The following RECQL5 variants were observed in gnomAD, a reference collection of about 807,000 sequenced individuals.
RECQL5 encodes the protein RecQ like helicase 5.
In RECQL5, 88 loss-of-function variants were observed where a neutral mutation model predicts 103.4. The ratio of observed to expected loss-of-function variants is 0.85; its 90% CI spans 0.72 to 1.02. The LOEUF (loss-of-function observed/expected upper bound fraction) is 1.02, where lower values mean the gene tolerates loss of function less well. Among genes scored for constraint, RECQL5 ranks in the 50% least tolerant of loss-of-function variants. RECQL5 has a pLI of 0.00. For missense variants in RECQL5, 1,232 were observed against 1,284.3 expected, an observed-to-expected ratio of 0.96 and a Z score of 0.62; for synonymous variants, 552 against 507.9, an observed-to-expected ratio of 1.09 and a Z score of -1.17.
At chr17:75,634,084 G>A (rs1246514463) in intron 8 of RECQL5, 2 of 985,546 alleles carry the variant, frequency 2.0e-6, no homozygotes, top group African/African-American at 1.7e-5. Flanking sequence ...GCTGTCAGCA[G>A]AGGAGCTGGG....
At position 75,631,578 on chromosome 17, in the gene RECQL5, C is replaced by T; in HGVS notation, c.1320G>A (p.Val440=). 1 of 1,613,060 alleles carries T rather than the reference C, an allele frequency of 6.2e-7. No homozygotes were observed. Among genetic ancestry groups the T allele is most frequent in the Non-Finnish European group, 8.5e-7 (1 of 1,179,926 alleles). The change falls in exon 9 of 20, where the codon GTG becomes GTA. Residue 440 remains valine (V), a synonymous_variant. Transcript: ENST00000317905. ...GCDHCQNPTA[V]RRRLEALERS... is the part of the protein sequence containing the mutation. ...GCTCCAAGGCCTCCAGCCGCCTCCGCACGGCCGTGGGGTTCTGGCAGTGGT... is the reference window on the plus strand; with the variant it reads ...GCTCCAAGGCCTCCAGCCGCCTCCGTACGGCCGTGGGGTTCTGGCAGTGGT...
In RECQL5 at chr17:75,649,963, C is replaced by T. The variant is rs527591665; in HGVS notation, c.1229+1223G>A. 176 of 985,566 alleles carry T rather than the reference C, an allele frequency of 1.8e-4. No homozygotes were observed. In the African/African-American group the frequency reaches 2.1e-3, roughly 12 times the overall value. 61.1% of individuals were successfully genotyped at this position (985,566 alleles called of 1,614,324 possible). On this transcript the variant is annotated intron_variant, in intron 8 of 19. Transcript: ENST00000317905. ...TGGGAGGACCTGTTCCCTTGCCTGG[C>T]AGGCGGAGCAGACCCTGGGGACAGG... is the stretch of plus-strand genomic sequence containing the variant.
At chr17:75,647,372 T>C in intron 8 of RECQL5, 1 of 1,545,880 alleles carries the variant, frequency 6.5e-7, no homozygotes, top group Non-Finnish European at 8.7e-7. Context: ...CTTTTCCAGA[T>C]TCTCATGGAC....
chr17:75,640,885 G>T lies in RECQL5; in HGVS notation c.1230-9217C>A, dbSNP rs919041248. On this transcript the variant is annotated intron_variant, in intron 8 of 19. Coordinates refer to ENST00000317905, the MANE Select transcript of RECQL5 (RefSeq NM_004259.7). This position sits in a 1 kb window ranked among gnomAD's most constrained non-coding sequence, Gnocchi z 4.6. ...GAGGCAGGAAGGTCCAGGTGCAGCCGACACCACCATGACGGACGGGCGATG... is the reference window on the plus strand; with the variant it reads ...GAGGCAGGAAGGTCCAGGTGCAGCCTACACCACCATGACGGACGGGCGATG... 6.5e-7 allele frequency: 1 copy of T among 1,545,582 alleles called. No homozygotes were observed. The highest frequency in any genetic ancestry group is 1.4e-5 in the African/African-American group (1 of 73,188).
chr17:75,657,500 G>C (rs967138221), intron 7 of RECQL5, among the ~76,000 whole-genome samples: 1 of 152,112 alleles, frequency 6.6e-6, no homozygotes, highest in Non-Finnish European at 1.5e-5. Context: ...TGTAATCTCA[G>C]TAGTTTGGGA....
At chr17:75,664,976 G>A in intron 3 of RECQL5, 75 bp downstream of exon 3, 1 of 1,451,228 alleles carries the variant, frequency 6.9e-7, no homozygotes, top group Non-Finnish European at 9.1e-7. Flanking sequence ...GACCAATAGA[G>A]AAGTGAAATT....
rs73995938 is a variant in RECQL5 at position 75,628,184 on chromosome 17, A to T, written c.2805+34T>A. On this transcript the variant is annotated intron_variant, in intron 18 of 19. Coordinates refer to ENST00000317905, the MANE Select transcript of RECQL5 (RefSeq NM_004259.7). ...CCCACTACACCCACATACCCCAGGC[A>T]TGGGAGAAGGCAGAGCCCACTCACT... The T allele has an allele frequency of 2.3e-5, 34 of 1,511,060 alleles. 1 individual carries two copies. Among genetic ancestry groups the T allele is most frequent in the Non-Finnish European group, 3.0e-5 (33 of 1,092,226 alleles). The allele number at this position is 1,511,060 out of a possible 1,614,324, so 93.6% of individuals were successfully genotyped here.
intron 8 of RECQL5, chr17:75,646,404 C>T (rs2059489587): frequency 6.6e-6 from 1 of 152,462 alleles, no homozygotes; most frequent in African/African-American, 2.4e-5. Context: ...GGCAAAGGCC[C>T]TCGGTCCAGT....
At chr17:75,632,760 T>C (rs2059242412) in intron 8 of RECQL5, among the ~76,000 whole-genome samples, 1 of 152,182 alleles carries the variant, frequency 6.6e-6, no homozygotes, top group Non-Finnish European at 1.5e-5. Context: ...TCTCTCAGGC[T>C]CCTTATAAAC....
chr17:75,647,586 G>C, intron 8 of RECQL5: 1 of 1,549,058 alleles, frequency 6.5e-7, no homozygotes, highest in African/African-American at 1.4e-5. Flanking sequence ...TGGGGACTGA[G>C]ATGGCAGCAG....
Position 75,627,678 on chromosome 17 carries a change from G to T in RECQL5, c.2820C>A (p.Gly940=), listed in dbSNP as rs2059122193. The change falls in exon 19 of 20, where the codon GGC becomes GGA. Residue 940 remains glycine, a synonymous_variant. Transcript: ENST00000317905. ...GKFASKELFK[G]FARHLSHLLT... ...GCAAGTGTGAGAGGTGGCGGGCAAA[G>T]CCTTTAAACAACTCCTGGAAGGGAG... 1 of 1,608,362 alleles carries T rather than the reference G, an allele frequency of 6.2e-7. No homozygotes were observed. The highest frequency in any genetic ancestry group is 1.7e-5 in the Admixed American group (1 of 58,862).
At chr17:75,662,071 G>C (rs1234639424) in intron 4 of RECQL5, among the ~76,000 whole-genome samples, 3 of 152,174 alleles carry the variant, frequency 2.0e-5, no homozygotes, top group African/African-American at 7.2e-5. Context: ...TGAGGCAGGA[G>C]AATCGCTTGA....
chr17:75,641,053 C>T, intron 8 of RECQL5: 1 of 1,346,628 alleles, frequency 7.4e-7, no homozygotes, highest in South Asian at 1.5e-5. Context: ...CAACTTGAGC[C>T]CTACCAAGGA....
chr17:75,649,772 G>A (rs1454071693), intron 8 of RECQL5: 2 of 985,372 alleles, frequency 2.0e-6, no homozygotes, highest in Admixed American at 6.1e-5. Flanking sequence ...ATCACATGTA[G>A]CAAAGGAGAC....
chr17:75,663,651 T>C (rs2059728005), intron 3 of RECQL5, among the ~76,000 whole-genome samples: 1 of 152,192 alleles, frequency 6.6e-6, no homozygotes, highest in Non-Finnish European at 1.5e-5. Context: ...TCATCCTGGC[T>C]CACTTAATCG....
rs185969749 is a variant in RECQL5 at position 75,666,693 on chromosome 17, T to C, written c.-14-122A>G. 1.9e-5 allele frequency: 18 copies of C among 962,712 alleles called. No individual in the cohort carries two copies. In the East Asian group the frequency reaches 4.8e-4, roughly 26 times the overall value. The allele number at this position is 962,712 out of a possible 1,614,324, so 59.6% of individuals were successfully genotyped here. On this transcript the variant is annotated intron_variant, in intron 1 of 19. Transcript: ENST00000317905. ...TATTACACTTAAATAATGTATTATT[T>C]TTAAGTAATAAAGCTGAAGGTGAAC...
Position 75,656,894 on chromosome 17 carries a change from G to A in RECQL5, c.1149+1404C>T, listed in dbSNP as rs568398172. 6.6e-5 allele frequency among the ~76,000 whole-genome samples: 10 copies of A among 151,964 alleles called. No homozygotes were observed. In the South Asian group the frequency reaches 2.1e-3, roughly 32 times the overall value. On this transcript the variant is annotated intron_variant, in intron 7 of 19. Transcript: ENST00000317905. ...CAAGTAGCTGGGACTACAGGCGCCC[G>A]CCACCACGCCCGGCTAATTTTTTGT... is the stretch of plus-strand genomic sequence containing the variant.
chr17:75,649,384 G>C (rs1414619332), intron 8 of RECQL5: 1 of 152,608 alleles, frequency 6.6e-6, no homozygotes, highest in African/African-American at 2.4e-5. Context: ...GGCTGCCACA[G>C]CCCCGCCTCA....
intron 8 of RECQL5, chr17:75,639,661 GT>G: frequency 6.5e-6 from 1 of 152,894 alleles, no homozygotes; most frequent in East Asian, 1.9e-4. Flanking sequence ...GGTGGGAGAG[GT>G]TGGGGGGCCT....
Sources: gnomAD v4.1 joint callset for allele counts (sites outside exome capture counted in the v4.1 genomes callset) on GRCh38, gnomAD v4.1.1 for gene constraint, Gnocchi (gnomAD v3.1) non-coding constraint, MANE v1.5 for transcripts, NCBI Gene and HGNC (gene_info 2026-07-23, HGNC 2026-07-21) for gene names.